DOCK8: variants seen among roughly 807,000 people sequenced by gnomAD.
DOCK8 encodes dedicator of cytokinesis 8.
In DOCK8, 141 loss-of-function variants were observed where a neutral mutation model predicts 245.6. That is an observed-to-expected ratio of 0.57 (90% CI 0.50 to 0.66). The LOEUF (loss-of-function observed/expected upper bound fraction) is 0.66, where lower values mean the gene tolerates loss of function less well. Ranked by LOEUF, DOCK8 falls within the 30% of genes least tolerant of loss-of-function variation. The pLI is 0.00. For missense variants in DOCK8, 2,965 were observed against 2,603.4 expected (o/e 1.14, Z -3.02); for synonymous variants, 1,168 against 970.2 (o/e 1.20, Z -3.79).
chr9:227,358 G>T (rs1417292664), intron 1 of DOCK8, among the ~76,000 whole-genome samples: 1 of 152,146 alleles, frequency 6.6e-6, no homozygotes, highest in Non-Finnish European at 1.5e-5. Context: ...ACATATATTT[G>T]CTGTCCCTCC....
rs562079445 is a variant in DOCK8 at position 278,407 on chromosome 9, G to A, written c.156+6678G>A. 2.7e-4 allele frequency among the ~76,000 whole-genome samples: 41 copies of A among 152,322 alleles called. 1 individual carries two copies. In the South Asian group the frequency reaches 8.5e-3, roughly 32 times the overall value. On this transcript the variant is annotated intron_variant, in intron 2 of 47. Transcript: ENST00000432829. ...TCATTCGTTTTAGAAATATGTATTG[G>A]GTCTCTATGTCAGGAACTGCTGGCA...
chr9:397,868 C>T (rs951592079), intron 25 of DOCK8, among the ~76,000 whole-genome samples: 7 of 152,074 alleles, frequency 4.6e-5, no homozygotes, highest in African/African-American at 9.7e-5. Flanking sequence ...TGATAAGCTT[C>T]GTTAAAGGGT....
At chr9:376,076 C>T (rs2053502660) in intron 18 of DOCK8, 134 bp from the exon 19 acceptor site, 3 of 733,116 alleles carry the variant, frequency 4.1e-6, no homozygotes, top group Non-Finnish European at 7.4e-6. Context: ...ACTCCAAGAA[C>T]AGTTAGATTA....
At chr9:371,279 G>A (rs1441363713) in intron 16 of DOCK8, 149 bp from the exon 17 acceptor site, 1 of 842,120 alleles carries the variant, frequency 1.2e-6, no homozygotes, top group Non-Finnish European at 1.9e-6. Context: ...CTTGGTCTCA[G>A]GGACTTCCAG....
intron 7 of DOCK8, among the ~76,000 whole-genome samples, chr9:322,892 A>G (rs772568314): frequency 3.9e-5 from 6 of 152,082 alleles, no homozygotes; most frequent in African/African-American, 7.2e-5. Context: ...CAGGAGTTTG[A>G]GACCAGCCTG....
rs1055724868 is a variant in DOCK8 at position 305,476 on chromosome 9, G to A, written c.528+772G>A. Among the ~76,000 whole-genome samples the A allele has an allele frequency of 8.6e-4, 131 of 152,092 alleles. 1 individual carries two copies. The highest frequency in any genetic ancestry group is 2.5e-3 in the African/African-American group (105 of 41,486). On this transcript the variant is annotated intron_variant, in intron 5 of 47. Transcript: ENST00000432829. Reference sequence around the variant, plus strand: ...TTCTTTTTGTATTTTTAGTAGAGACGGGGTTTCACCGTGTTAGTCAGGATG... The same window carrying A: ...TTCTTTTTGTATTTTTAGTAGAGACAGGGTTTCACCGTGTTAGTCAGGATG...
At chr9:238,884 C>T (rs181464631) in intron 1 of DOCK8, among the ~76,000 whole-genome samples, 26 of 152,284 alleles carry the variant, frequency 1.7e-4, no homozygotes, top group African/African-American at 5.8e-4. Flanking sequence ...CTATCCCAGC[C>T]GTCCAGGGCC....
intron 5 of DOCK8, among the ~76,000 whole-genome samples, chr9:310,793 T>A (rs1179756666): frequency 6.6e-6 from 1 of 152,214 alleles, no homozygotes; most frequent in South Asian, 2.1e-4. Flanking sequence ...AGATGTGCAC[T>A]TTAAATTATT....
chr9:253,587 A>T (rs974026637), intron 1 of DOCK8, among the ~76,000 whole-genome samples: 2 of 152,172 alleles, frequency 1.3e-5, no homozygotes, highest in African/African-American at 4.8e-5. Context: ...CCTCCATAAG[A>T]CTAAAAGTTA....
At chr9:406,689 A>G (rs2055436500) in intron 27 of DOCK8, among the ~76,000 whole-genome samples, 1 of 151,866 alleles carries the variant, frequency 6.6e-6, no homozygotes, top group Non-Finnish European at 1.5e-5. Context: ...ATTTTTCAAC[A>G]GACCCGGGGT....
At chr9:338,783 C>T (rs1008752812) in intron 12 of DOCK8, among the ~76,000 whole-genome samples, 5 of 152,100 alleles carry the variant, frequency 3.3e-5, no homozygotes, top group African/African-American at 1.2e-4. Flanking sequence ...GATGCCCCAT[C>T]CCCAGAAGGA....
rs1158344925 is a variant in DOCK8 at position 449,713 on chromosome 9, C to G, written c.5818-71C>G. The G allele has an allele frequency of 1.9e-6, 3 of 1,607,066 alleles. No homozygotes were observed. In the African/African-American group the frequency reaches 4.0e-5, roughly 21 times the overall value. The stretch of plus-strand genomic sequence containing the variant: ...CTTCAAATTCAGGTGGCCTCTCTGT[C>G]ATAGCTCCAGGCTTGTCCATAGCTT... On this transcript the variant is annotated intron_variant, in intron 44 of 47. Coordinates refer to ENST00000432829, the MANE Select transcript of DOCK8 (RefSeq NM_203447.4).
intron 7 of DOCK8, among the ~76,000 whole-genome samples, chr9:317,865 C>T (rs1191211028): frequency 6.6e-6 from 1 of 152,094 alleles, no homozygotes; most frequent in Admixed American, 6.5e-5. Context: ...TTTATAAACA[C>T]CATATAATTA....
At chr9:446,233 C>G in intron 43 of DOCK8, 137 bp from the exon 44 acceptor site, 2 of 782,506 alleles carry the variant, frequency 2.6e-6, no homozygotes, top group Non-Finnish European at 4.6e-6. Context: ...TGGCCACATT[C>G]TCCCCTGCAT....
intron 44 of DOCK8, among the ~76,000 whole-genome samples, chr9:449,055 G>C (rs539905043): frequency 7.9e-5 from 12 of 152,196 alleles, no homozygotes; most frequent in Admixed American, 1.3e-4. Context: ...TGCATTGTAA[G>C]TTGAGTAACA....
At chr9:404,491 G>A (rs561593423) in intron 26 of DOCK8, among the ~76,000 whole-genome samples, 2 of 152,214 alleles carry the variant, frequency 1.3e-5, no homozygotes, top group African/African-American at 4.8e-5. Flanking sequence ...GAGAACACTT[G>A]TAGTATAAAA....
At chr9:349,957 C>T (rs192080325) in intron 14 of DOCK8, among the ~76,000 whole-genome samples, 5 of 152,248 alleles carry the variant, frequency 3.3e-5, no homozygotes, top group Admixed American at 2.0e-4. Flanking sequence ...CTCCCTCCGC[C>T]GCCCTCCAAT....
intron 8 of DOCK8, 24 bp downstream of exon 8, chr9:325,761 T>C (rs376392082): frequency 1.3e-6 from 2 of 1,587,852 alleles, no homozygotes; most frequent in African/African-American, 2.7e-5. Context: ...GAAAAATCCA[T>C]CCCTAAGGCA....
At chr9:442,907 G>C (rs1202102007) in intron 42 of DOCK8, among the ~76,000 whole-genome samples, 1 of 152,174 alleles carries the variant, frequency 6.6e-6, no homozygotes, top group Non-Finnish European at 1.5e-5. Flanking sequence ...AGACAAGAGG[G>C]TTTATCCTTA....
Sources: gnomAD v4.1 joint callset for allele counts (sites outside exome capture counted in the v4.1 genomes callset) on GRCh38, gnomAD v4.1.1 for gene constraint, MANE v1.5 for transcripts, NCBI Gene and HGNC (gene_info 2026-07-23, HGNC 2026-07-21) for gene names.